The following OGFRL1 variants were observed in gnomAD, a reference collection of about 807,000 sequenced individuals.
OGFRL1 encodes the protein opioid growth factor receptor like 1.
In OGFRL1, 26 loss-of-function variants were observed where a neutral mutation model predicts 32.4. The ratio of observed to expected loss-of-function variants is 0.80; its 90% CI spans 0.59 to 1.11. The LOEUF is 1.11. OGFRL1 is among the 50% of genes most tolerant of loss of function. The probability of loss-of-function intolerance (pLI) is 0.00; values close to 1 mark genes in which losing one functional copy is unlikely to be tolerated. For missense variants in OGFRL1, 521 were observed against 546.4 expected (o/e 0.95, Z 0.46); for synonymous variants, 211 against 201.2 (o/e 1.05, Z -0.41).
rs1766513638 is a variant in OGFRL1 at position 71,305,292 on chromosome 6, G to C, written c.*3243G>C. 6.6e-6 allele frequency: 1 copy of C among 151,924 alleles called. No individual in the cohort carries two copies. The highest frequency in any genetic ancestry group is 2.4e-5 in the African/African-American group (1 of 41,412). 9.4% of individuals were successfully genotyped at this position (151,924 alleles called of 1,614,324 possible). A position where few individuals can be genotyped will look rare whatever the true frequency, so the allele number is the denominator to read the frequency against. ...TTTCATATATCAAAGGAGATTATGT[G>C]AAACTATTTTTAAATACTGTAAAGT... On this transcript the variant is annotated 3_prime_UTR_variant, in exon 7 of 7. Transcript: ENST00000370435.
chr6:71,297,558 A>T (rs879330191), intron 6 of OGFRL1, among the ~76,000 whole-genome samples: 15 of 151,982 alleles, frequency 9.9e-5, no homozygotes, highest in Non-Finnish European at 1.9e-4. Flanking sequence ...GTTACATTTA[A>T]ACTAATCATA....
rs1055826033 is a variant in OGFRL1 at position 71,303,664 on chromosome 6, C to T, written c.*1615C>T. On this transcript the variant is annotated 3_prime_UTR_variant, in exon 7 of 7. Transcript: ENST00000370435. ...AATTAGTAATGTTGCTTAGCCCAAA[C>T]GTGTTTTTTAAAAAGTATAGTTTTG... is the stretch of plus-strand genomic sequence containing the variant. 3 of 152,100 alleles carry T rather than the reference C, an allele frequency of 2.0e-5. No individual in the cohort carries two copies. The highest frequency in any genetic ancestry group is 1.9e-4 in the East Asian group (1 of 5,200). 9.4% of individuals were successfully genotyped at this position (152,100 alleles called of 1,614,324 possible).
chr6:71,292,376 T>G (rs1025791580), intron 1 of OGFRL1, among the ~76,000 whole-genome samples: 4 of 152,212 alleles, frequency 2.6e-5, no homozygotes, highest in Admixed American at 6.5e-5. Context: ...TGCCAATCTG[T>G]CAACACAGAT....
At chr6:71,293,179 C>A in intron 1 of OGFRL1, 114 bp from the exon 2 acceptor site, 1 of 757,078 alleles carries the variant, frequency 1.3e-6, no homozygotes, top group Non-Finnish European at 2.3e-6. Context: ...TTAATCTGGA[C>A]AGATTGACAA....
In OGFRL1 at chr6:71,304,705, T is replaced by C. The variant is rs1032678964; in HGVS notation, c.*2656T>C. On this transcript the variant is annotated 3_prime_UTR_variant, in exon 7 of 7. Transcript: ENST00000370435. ...AGGGATTTTGATTAGATTGTAACAT[T>C]AAATTCGAGAATATTTAGTCTCAAG... The C allele has an allele frequency of 6.6e-6, 1 of 152,056 alleles. No homozygotes were observed. The highest frequency in any genetic ancestry group is 2.4e-5 in the African/African-American group (1 of 41,448). The allele number at this position is 152,056 out of a possible 1,614,324, so 9.4% of individuals were successfully genotyped here.
chr6:71,292,382 C>A (rs774007366), intron 1 of OGFRL1, among the ~76,000 whole-genome samples: 28 of 152,186 alleles, frequency 1.8e-4, no homozygotes, highest in Admixed American at 7.2e-4. Flanking sequence ...TCTGTCAACA[C>A]AGATGGAGGA....
rs1766581786 is a variant in OGFRL1 at position 71,307,294 on chromosome 6, T to C, written c.*5245T>C. 1 of 152,156 alleles carries C rather than the reference T, an allele frequency of 6.6e-6. No individual in the cohort carries two copies. The highest frequency in any genetic ancestry group is 6.6e-5 in the Admixed American group (1 of 15,262). 9.4% of individuals were successfully genotyped at this position (152,156 alleles called of 1,614,324 possible). A position where few individuals can be genotyped will look rare whatever the true frequency, so the allele number is the denominator to read the frequency against. On this transcript the variant is annotated 3_prime_UTR_variant, in exon 7 of 7. Coordinates refer to ENST00000370435, the MANE Select transcript of OGFRL1 (RefSeq NM_024576.5). ...ATTCTCCTCTGGATAATGAGGGTGT[T>C]GGGCACTGTGAGCTCTGACTTCTGG...
rs76789696 is a variant in OGFRL1 at position 71,304,711 on chromosome 6, C to G, written c.*2662C>G. On this transcript the variant is annotated 3_prime_UTR_variant, in exon 7 of 7. Transcript: ENST00000370435. ...TTTGATTAGATTGTAACATTAAATT[C>G]GAGAATATTTAGTCTCAAGAGAAAC... 6.6e-6 allele frequency: 1 copy of G among 151,912 alleles called. No individual in the cohort carries two copies. The highest frequency in any genetic ancestry group is 2.4e-5 in the African/African-American group (1 of 41,402). 9.4% of individuals were successfully genotyped at this position (151,912 alleles called of 1,614,324 possible).
chr6:71,295,902 C>A (rs1270535127), intron 3 of OGFRL1: 1 of 155,192 alleles, frequency 6.4e-6, no homozygotes, highest in Non-Finnish European at 1.4e-5. Flanking sequence ...TATACAGGGG[C>A]AAATAGTAAA....
intron 1 of OGFRL1, chr6:71,289,539 T>C (rs7741988): frequency 5.3e-6 from 5 of 948,536 alleles, no homozygotes; most frequent in Non-Finnish European, 6.1e-6. Context: ...CTCTAGTGTG[T>C]GTTATTGGTA....
At chr6:71,289,600 G>A in intron 1 of OGFRL1, 7 of 977,984 alleles carry the variant, frequency 7.2e-6, no homozygotes, top group Non-Finnish European at 8.5e-6. Flanking sequence ...ATAAGGTGGG[G>A]CTACAAGTGC....
Position 71,297,535 on chromosome 6 carries a change from TTAAC to T in OGFRL1, c.692+722_692+725del, listed in dbSNP as rs563119148. Reference sequence around the variant, plus strand: ...TTTTCTTTTTAATTATAGTTAAATTTTAACTAATTATAGTTACATTTAAACTAAT... The same window carrying T: ...TTTTCTTTTTAATTATAGTTAAATTTTAATTATAGTTACATTTAAACTAAT... On this transcript the variant is annotated intron_variant, in intron 6 of 6. Coordinates refer to ENST00000370435, the MANE Select transcript of OGFRL1 (RefSeq NM_024576.5). 1.9e-3 allele frequency among the ~76,000 whole-genome samples: 292 copies of T among 152,178 alleles called. 1 individual carries two copies. The highest frequency in any genetic ancestry group is 6.5e-3 in the African/African-American group (270 of 41,564).
Position 71,308,356 on chromosome 6 carries a change from AG to A in OGFRL1, c.*6310del, listed in dbSNP as rs1405073878. On this transcript the variant is annotated 3_prime_UTR_variant, in exon 7 of 7. Coordinates refer to ENST00000370435, the MANE Select transcript of OGFRL1 (RefSeq NM_024576.5). ...AAGCATTTTCCTCCTGTTTTTAAAA[AG>A]GGCTTTAAGTTGTTTCCTATGTAAG... 1 of 152,250 alleles carries A rather than the reference AG, an allele frequency of 6.6e-6. No homozygotes were observed. Among genetic ancestry groups the A allele is most frequent in the Non-Finnish European group, 1.5e-5 (1 of 68,042 alleles). The allele number at this position is 152,250 out of a possible 1,614,324, so 9.4% of individuals were successfully genotyped here.
At chr6:71,300,021 C>G (rs996212517) in intron 6 of OGFRL1, among the ~76,000 whole-genome samples, 5 of 152,194 alleles carry the variant, frequency 3.3e-5, no homozygotes, top group Non-Finnish European at 5.9e-5. Flanking sequence ...GAACCATACT[C>G]TGCCATCCCT....
rs1222411560 is a variant in OGFRL1, at chr6:71,303,373, T to C, written c.*1324T>C. 6.6e-6 allele frequency: 1 copy of C among 152,216 alleles called. No individual in the cohort carries two copies. The highest frequency in any genetic ancestry group is 1.5e-5 in the Non-Finnish European group (1 of 68,032). 9.4% of individuals were successfully genotyped at this position (152,216 alleles called of 1,614,324 possible). On this transcript the variant is annotated 3_prime_UTR_variant, in exon 7 of 7. Transcript: ENST00000370435. ...TCTACATGGAACAGAGTGGGACTTC[T>C]AATTGTATGACTTCAAGATTTTGCT...
chr6:71,289,456 T>C, intron 1 of OGFRL1: 1 of 980,754 alleles, frequency 1.0e-6, no homozygotes, highest in Non-Finnish European at 1.2e-6. Flanking sequence ...TTTCTTTGCC[T>C]CTGCAGAGCA....
Position 71,307,071 on chromosome 6 carries a change from A to C in OGFRL1, c.*5022A>C, listed in dbSNP as rs2149359711. ...TTTATTGTTTCAGTTATTTGAGGGAAATAACCTCTTAATATGTTTATTTTC... is the reference window on the plus strand; with the variant it reads ...TTTATTGTTTCAGTTATTTGAGGGACATAACCTCTTAATATGTTTATTTTC... On this transcript the variant is annotated 3_prime_UTR_variant, in exon 7 of 7. Transcript: ENST00000370435. 1 of 152,310 alleles carries C rather than the reference A, an allele frequency of 6.6e-6. No individual in the cohort carries two copies. The highest frequency in any genetic ancestry group is 6.5e-5 in the Admixed American group (1 of 15,294). The allele number at this position is 152,310 out of a possible 1,614,324, so 9.4% of individuals were successfully genotyped here.
Position 71,296,535 on chromosome 6 carries a change from A to G in OGFRL1, c.520A>G (p.Lys174Glu). The G allele has an allele frequency of 6.2e-7, 1 of 1,611,952 alleles. No individual in the cohort carries two copies. Among genetic ancestry groups the G allele is most frequent in the Non-Finnish European group, 8.5e-7 (1 of 1,179,244 alleles). ...LREQGLNFYA[K>E]ELTTYEIEEF... ...AGAACAAGGCTTGAACTTCTATGCC[A>G]AAGAACTAACTACATATGAAATTGA... The change falls in exon 5 of 7, where the codon AAA becomes GAA. Residue 174 changes from lysine (K) to glutamate (E), a missense_variant. Lys to Glu is a moderately conservative substitution (Grantham distance 56). Coordinates refer to ENST00000370435, the MANE Select transcript of OGFRL1 (RefSeq NM_024576.5).
chr6:71,289,318 CT>C, intron 1 of OGFRL1, 148 bp downstream of exon 1: 1 of 1,011,114 alleles, frequency 9.9e-7, no homozygotes, highest in Non-Finnish European at 1.2e-6. Flanking sequence ...CGCGGCTGAC[CT>C]GTCTCCCGGT....
Sources: gnomAD v4.1 joint callset for allele counts (sites outside exome capture counted in the v4.1 genomes callset) on GRCh38, gnomAD v4.1.1 for gene constraint, MANE v1.5 for transcripts, NCBI Gene and HGNC (gene_info 2026-07-23, HGNC 2026-07-21) for gene names.